Variants in ROBO1 observed in about 807,000 individuals in gnomAD.
ROBO1 encodes roundabout guidance receptor 1, also known as roundabout homolog 1.
A neutral mutation model predicts 195.9 loss-of-function variants in ROBO1; 149 were observed. That is an observed-to-expected ratio of 0.76 (90% confidence interval 0.67 to 0.87). ROBO1 has a LOEUF of 0.87. Among genes scored for constraint, ROBO1 ranks in the 40% least tolerant of loss-of-function variants. ROBO1 has a pLI of 0.00. For synonymous variants in ROBO1, 816 were observed against 733.2 expected (o/e 1.11, Z -1.82); for missense variants, 1,933 against 2,068.3 (o/e 0.93, Z 1.27).
At chr3:79,415,215 A>G (rs541411389) in intron 2 of ROBO1, among the ~76,000 whole-genome samples, 19 of 152,292 alleles carry the variant, frequency 1.2e-4, no homozygotes, top group African/African-American at 4.1e-4. Flanking sequence ...TTGTAGAACA[A>G]CTGCAAGGAA....
chr3:79,485,123 T>A (rs1451334865), intron 2 of ROBO1, among the ~76,000 whole-genome samples: 1 of 152,144 alleles, frequency 6.6e-6, no homozygotes, highest in Non-Finnish European at 1.5e-5. Flanking sequence ...ATTGTACTAA[T>A]CTTACTATAG....
intron 5 of ROBO1, among the ~76,000 whole-genome samples, chr3:78,725,855 C>T (rs1245955260): frequency 6.6e-6 from 1 of 152,052 alleles, no homozygotes; most frequent in Admixed American, 6.6e-5. Context: ...TAAAGATGAA[C>T]TTAAAATGAA....
chr3:78,832,320 C>A (rs187107391), intron 4 of ROBO1, among the ~76,000 whole-genome samples: 76 of 152,268 alleles, frequency 5.0e-4, no homozygotes, highest in Admixed American at 2.3e-3. Context: ...TTCCTTGATT[C>A]ATCTTTTGCT....
chr3:79,242,725 T>C (rs1470472083), intron 2 of ROBO1, among the ~76,000 whole-genome samples: 1 of 152,140 alleles, frequency 6.6e-6, no homozygotes, highest in Non-Finnish European at 1.5e-5. Context: ...GGGAGAAATA[T>C]TTCCTATAAA....
rs2107521786 is a variant in ROBO1, at chr3:78,633,949, C to G, written c.3467G>C (p.Gly1156Ala). The change falls in exon 24 of 31, where the codon GGC becomes GCC. Residue 1156 changes from glycine (G) to alanine (A), a missense_variant. By Grantham distance (60) the Gly-to-Ala change is moderately conservative. This residue lies in a region of ROBO1 where 1,737 missense variants were observed against 1,882.5 expected (regional missense o/e 0.92). Transcript: ENST00000464233. ...ATCTTACTTACCAGATGTACTACTG[C>G]CCCGGTCTGAGCTGTTGTAGGATCC... The part of the protein sequence containing the change: ...TGGSYNSSDR[G>A]SSTSGSQGHK... The G allele has an allele frequency of 6.2e-7, 1 of 1,609,056 alleles. No homozygotes were observed. Among genetic ancestry groups the G allele is most frequent in the Admixed American group, 1.7e-5 (1 of 59,594 alleles).
intron 10 of ROBO1, among the ~76,000 whole-genome samples, chr3:78,673,562 T>TATATATA (rs1708201366): frequency 4.7e-5 from 3 of 63,364 alleles, no homozygotes; most frequent in Non-Finnish European, 6.5e-5. Context: ...TACATATATT[T>TATATATA]TATATATATA....
intron 3 of ROBO1, among the ~76,000 whole-genome samples, chr3:78,942,332 A>G (rs140201664): frequency 6.6e-6 from 1 of 152,196 alleles, no homozygotes; most frequent in East Asian, 1.9e-4. Flanking sequence ...TGAGAGCCAG[A>G]ACTTAGACAT....
intron 2 of ROBO1, among the ~76,000 whole-genome samples, chr3:79,415,586 AG>A (rs2037969166): frequency 6.6e-6 from 1 of 152,136 alleles, no homozygotes; most frequent in African/African-American, 2.4e-5. Context: ...AGACCTTTTC[AG>A]TTCAGGCCCT....
chr3:79,355,346 A>G (rs2035508915), intron 2 of ROBO1, among the ~76,000 whole-genome samples: 1 of 152,190 alleles, frequency 6.6e-6, no homozygotes. Flanking sequence ...AAATGTATAC[A>G]TGGTAGAATG....
intron 2 of ROBO1, among the ~76,000 whole-genome samples, chr3:79,428,796 GAAAT>G (rs1450114659): frequency 1.3e-5 from 2 of 151,450 alleles, no homozygotes; most frequent in African/African-American, 4.9e-5. Context: ...ATAATTTTAA[GAAAT>G]AAATATTCAT....
chr3:78,676,732 C>A (rs1439171613), intron 10 of ROBO1, among the ~76,000 whole-genome samples: 6 of 152,160 alleles, frequency 3.9e-5, no homozygotes, highest in Non-Finnish European at 8.8e-5. Flanking sequence ...GAGAATGGAA[C>A]CAAGTTGAAA....
At chr3:79,004,493 T>C (rs1256907678) in intron 3 of ROBO1, among the ~76,000 whole-genome samples, 1 of 152,150 alleles carries the variant, frequency 6.6e-6, no homozygotes, top group Non-Finnish European at 1.5e-5. Context: ...CAATATGGCA[T>C]GACTGTGGGC....
intron 3 of ROBO1, among the ~76,000 whole-genome samples, chr3:79,022,033 T>C (rs145059656): frequency 6.6e-6 from 1 of 152,324 alleles, no homozygotes; most frequent in South Asian, 2.1e-4. Flanking sequence ...AGCCCCCTGA[T>C]GAAGACTATC....
intron 4 of ROBO1, among the ~76,000 whole-genome samples, chr3:78,832,969 T>C (rs1321629988): frequency 6.6e-6 from 1 of 152,172 alleles, no homozygotes; most frequent in East Asian, 1.9e-4. Flanking sequence ...GAGGAGGCCA[T>C]TGATCTGGCA....
chr3:79,596,689 T>C (rs2107845305), intron 1 of ROBO1, among the ~76,000 whole-genome samples: 1 of 152,136 alleles, frequency 6.6e-6, no homozygotes, highest in East Asian at 1.9e-4. Flanking sequence ...TGCAAGAAAA[T>C]ATACAGTTAG....
intron 1 of ROBO1, among the ~76,000 whole-genome samples, chr3:79,663,234 A>G (rs1292968194): frequency 6.6e-6 from 1 of 152,020 alleles, no homozygotes; most frequent in African/African-American, 2.4e-5. Flanking sequence ...TGAAAAAGCC[A>G]CACTTCTATA....
chr3:78,748,912 ATAC>A (rs2082723305), intron 4 of ROBO1, among the ~76,000 whole-genome samples: 1 of 152,208 alleles, frequency 6.6e-6, no homozygotes, highest in African/African-American at 2.4e-5. Context: ...TCTAACTTCA[ATAC>A]TATTCAGTAT....
chr3:78,946,546 T>C (rs1033893138), intron 3 of ROBO1, among the ~76,000 whole-genome samples: 3 of 152,132 alleles, frequency 2.0e-5, no homozygotes, highest in South Asian at 2.1e-4. Flanking sequence ...AAGGAACAAC[T>C]GGTAACAGCC....
intron 4 of ROBO1, among the ~76,000 whole-genome samples, chr3:78,913,240 G>C (rs926443283): frequency 1.3e-5 from 2 of 152,042 alleles, no homozygotes; most frequent in African/African-American, 4.8e-5. Context: ...ATAGTATGTA[G>C]AATATGGATG....
Sources: gnomAD v4.1 joint callset for allele counts (sites outside exome capture counted in the v4.1 genomes callset) on GRCh38, gnomAD v4.1.1 for gene constraint, gnomAD v4.1.1 regional missense constraint, MANE v1.5 for transcripts, NCBI Gene and HGNC (gene_info 2026-07-23, HGNC 2026-07-21) for gene names.